Variants in ASIC2 observed in about 807,000 individuals in gnomAD.
ASIC2 encodes acid sensing ion channel subunit 2, also known as acid-sensing ion channel 2.
Under a neutral mutation model 57.3 loss-of-function variants are expected in ASIC2, and 25 were observed. That is an observed-to-expected ratio of 0.44 (90% CI 0.32 to 0.61). ASIC2 has a LOEUF of 0.61. ASIC2 is among the 20% of genes least tolerant of loss of function. The pLI, the probability that ASIC2 is intolerant of heterozygous loss-of-function variation, is 0.06. For synonymous variants in ASIC2, 319 were observed against 307.5 expected, an observed-to-expected ratio of 1.04 and a Z score of -0.39; for missense variants, 641 against 738.1, an observed-to-expected ratio of 0.87 and a Z score of 1.52.
intron 1 of ASIC2, among the ~76,000 whole-genome samples, chr17:33,846,118 A>C (rs1200944601): frequency 6.6e-6 from 1 of 152,212 alleles, no homozygotes; most frequent in Non-Finnish European, 1.5e-5. Flanking sequence ...ACAAGGGGAA[A>C]GTAGAAAGAG....
Position 33,291,652 on chromosome 17 carries a change from C to A in ASIC2, c.464G>T (p.Gly155Val). 1 of 1,611,630 alleles carries A rather than the reference C, an allele frequency of 6.2e-7. No individual in the cohort carries two copies. Among genetic ancestry groups the A allele is most frequent in the South Asian group, 1.1e-5 (1 of 90,970 alleles). The change falls in exon 1 of 10, where the codon GGC becomes GTC. Residue 155 changes from glycine (G) to valine (V), a missense_variant. This residue lies in a region of ASIC2 where 382 missense variants were observed against 398.0 expected (regional missense o/e 0.96). Transcript: ENST00000225823. ...GGGCAGCAGCAGCCCGAGCCAGTGG[C>A]CGGCATAGTAGAGGTCCCCCTTGGA... ...RLSKGDLYYA[G>V]HWLGLLLPNR... is the part of the protein sequence containing the mutation.
At chr17:33,488,151 C>T (rs893205596) in intron 1 of ASIC2, among the ~76,000 whole-genome samples, 1 of 152,118 alleles carries the variant, frequency 6.6e-6, no homozygotes, top group African/African-American at 2.4e-5. Context: ...AGTTAGAAAG[C>T]TCAGTATCAG....
chr17:33,529,102 G>A (rs1914972782), intron 1 of ASIC2, among the ~76,000 whole-genome samples: 5 of 152,254 alleles, frequency 3.3e-5, no homozygotes, highest in Admixed American at 3.3e-4. Flanking sequence ...GAATCCAACT[G>A]GCTGGGGGCT....
At chr17:33,174,416 A>G (rs1413097605) in intron 1 of ASIC2, among the ~76,000 whole-genome samples, 1 of 126,820 alleles carries the variant, frequency 7.9e-6, no homozygotes, top group Non-Finnish European at 1.8e-5. Context: ...GCAAGACTCC[A>G]TCAAAAAAAA....
At chr17:33,670,605 G>C (rs1285278272) in intron 1 of ASIC2, among the ~76,000 whole-genome samples, 6 of 152,296 alleles carry the variant, frequency 3.9e-5, no homozygotes, top group African/African-American at 1.4e-4. Context: ...TGAACTACTG[G>C]AGCTACTCTT....
intron 1 of ASIC2, among the ~76,000 whole-genome samples, chr17:33,250,952 T>C (rs1000112749): frequency 6.6e-6 from 1 of 152,242 alleles, no homozygotes; most frequent in African/African-American, 2.4e-5. Context: ...CATATTTATG[T>C]GTATACTTTA....
chr17:33,439,901 G>A (rs1052879017), intron 1 of ASIC2, among the ~76,000 whole-genome samples: 3 of 152,216 alleles, frequency 2.0e-5, no homozygotes, highest in African/African-American at 7.2e-5. Context: ...CCTGAGATGC[G>A]AGCGTGCATG....
At chr17:33,812,268 T>G (rs1025988079) in intron 1 of ASIC2, among the ~76,000 whole-genome samples, 1 of 152,284 alleles carries the variant, frequency 6.6e-6, no homozygotes, top group Non-Finnish European at 1.5e-5. Flanking sequence ...GAGTCAATGG[T>G]CAGCTTTTAA....
chr17:33,497,402 G>T (rs115601823), intron 1 of ASIC2, among the ~76,000 whole-genome samples: 1 of 152,140 alleles, frequency 6.6e-6, no homozygotes, highest in Non-Finnish European at 1.5e-5. Flanking sequence ...AAATAGCAGG[G>T]AATTTTCTTG....
intron 1 of ASIC2, among the ~76,000 whole-genome samples, chr17:34,085,455 G>A (rs1029791186): frequency 1.3e-5 from 2 of 152,142 alleles, no homozygotes; most frequent in Admixed American, 6.6e-5. Context: ...TTTTATTGAC[G>A]ATTTTTGCAT....
rs146758578 is a variant in ASIC2 at position 33,897,538 on chromosome 17, T to C, written c.555+258440A>G. 2.2e-3 allele frequency among the ~76,000 whole-genome samples: 338 copies of C among 152,362 alleles called. 2 individuals are homozygous for C. The highest frequency in any genetic ancestry group is 7.9e-3 in the African/African-American group (328 of 41,570). On this transcript the variant is annotated intron_variant, in intron 1 of 9. Transcript: ENST00000359872. ...TCCAGATTTCTGTAATTGGTTCATA[T>C]TGACTTTAGCTAGAAATCAAGTTTG...
At chr17:33,507,528 T>C (rs1914302371) in intron 1 of ASIC2, among the ~76,000 whole-genome samples, 1 of 152,244 alleles carries the variant, frequency 6.6e-6, no homozygotes, top group Non-Finnish European at 1.5e-5. Context: ...GTAAATATTT[T>C]AGGCTTTGGG....
At chr17:33,452,864 C>G (rs1287191917) in intron 1 of ASIC2, among the ~76,000 whole-genome samples, 1 of 151,864 alleles carries the variant, frequency 6.6e-6, no homozygotes, top group Non-Finnish European at 1.5e-5. Context: ...TGGAACCCAG[C>G]TGAAACTTTT....
At chr17:34,030,395 AG>A (rs1236102073) in intron 1 of ASIC2, among the ~76,000 whole-genome samples, 1 of 152,258 alleles carries the variant, frequency 6.6e-6, no homozygotes, top group African/African-American at 2.4e-5. Context: ...ATGGCTGAAT[AG>A]GAACAGCTCC....
At chr17:34,031,905 C>A (rs1018535633) in intron 1 of ASIC2, among the ~76,000 whole-genome samples, 1 of 152,136 alleles carries the variant, frequency 6.6e-6, no homozygotes, top group Non-Finnish European at 1.5e-5. Flanking sequence ...CTGAAAGTGA[C>A]GGGGAGAATG....
intron 2 of ASIC2, among the ~76,000 whole-genome samples, chr17:33,109,263 C>T (rs1308379393): frequency 6.6e-6 from 1 of 152,186 alleles, no homozygotes; most frequent in Non-Finnish European, 1.5e-5. Flanking sequence ...AAGTTCAATT[C>T]CTCATTCTCC....
At chr17:33,469,895 T>C in intron 1 of ASIC2, among the ~76,000 whole-genome samples, 1 of 152,180 alleles carries the variant, frequency 6.6e-6, no homozygotes, top group East Asian at 1.9e-4. Flanking sequence ...GGACCTACAA[T>C]GTGCCAGGCA....
intron 1 of ASIC2, chr17:33,533,815 C>A (rs1915137032): frequency 6.6e-6 from 1 of 152,070 alleles, no homozygotes; most frequent in African/African-American, 2.4e-5. Context: ...TATTCTAAAC[C>A]CACTTGTCAG....
intron 1 of ASIC2, among the ~76,000 whole-genome samples, chr17:33,138,519 G>A (rs1416462548): frequency 6.6e-6 from 1 of 152,194 alleles, no homozygotes; most frequent in Non-Finnish European, 1.5e-5. Flanking sequence ...TCCTTGACTA[G>A]TACACTTCTT....
Sources: gnomAD v4.1 joint callset for allele counts (sites outside exome capture counted in the v4.1 genomes callset) on GRCh38, gnomAD v4.1.1 for gene constraint, gnomAD v4.1.1 regional missense constraint, MANE v1.5 for transcripts, NCBI Gene and HGNC (gene_info 2026-07-23, HGNC 2026-07-21) for gene names.